Variants in RGS6 observed in about 807,000 individuals in gnomAD.
RGS6 encodes regulator of G-protein signaling 6.
In RGS6, 30 loss-of-function variants were observed where a neutral mutation model predicts 78.5. That is an observed-to-expected ratio of 0.38 (90% CI 0.29 to 0.52). The LOEUF (loss-of-function observed/expected upper bound fraction) is 0.52, where lower values mean the gene tolerates loss of function less well. Among genes scored for constraint, RGS6 ranks in the 20% least tolerant of loss-of-function variants. The pLI, the probability that RGS6 is intolerant of heterozygous loss-of-function variation, is 0.85. For missense variants in RGS6, 495 were observed against 609.7 expected, an observed-to-expected ratio of 0.81 and a Z score of 1.98; for synonymous variants, 206 against 206.0, an observed-to-expected ratio of 1.00 and a Z score of 0.00.
rs1488824538 is a variant in RGS6 at position 72,036,511 on chromosome 14, C to T, written c.84+71636C>T. On this transcript the variant is annotated intron_variant, in intron 2 of 17. Transcript: ENST00000553525. ...TTGCCAGAGTATTTTCAAATTTCAGCCATTCTAATATGTGTATAGGGTATT... is the reference window on the plus strand; with the variant it reads ...TTGCCAGAGTATTTTCAAATTTCAGTCATTCTAATATGTGTATAGGGTATT... 2.0e-5 allele frequency among the ~76,000 whole-genome samples: 3 copies of T among 152,112 alleles called. No individual in the cohort carries two copies. In the South Asian group the frequency reaches 6.2e-4, roughly 32 times the overall value.
chr14:71,893,243 T>A, the RGS6 span, among the ~76,000 whole-genome samples: 1 of 152,246 alleles, frequency 6.6e-6, no homozygotes. Flanking sequence ...ATTAGAGGGT[T>A]TGATCAAGAA....
intron 12 of RGS6, among the ~76,000 whole-genome samples, chr14:72,491,099 C>T (rs935582352): frequency 1.3e-5 from 2 of 152,140 alleles, no homozygotes; most frequent in East Asian, 1.9e-4. Flanking sequence ...CCATTATTGC[C>T]CTTTGCAATT....
chr14:71,900,016 G>A, the RGS6 span, among the ~76,000 whole-genome samples: 2 of 152,088 alleles, frequency 1.3e-5, no homozygotes, highest in African/African-American at 4.8e-5. Context: ...ATTTCTTCAG[G>A]CATATGACTC....
chr14:72,017,776 T>C lies in RGS6; in HGVS notation c.84+52901T>C, dbSNP rs1392974186. On this transcript the variant is annotated intron_variant, in intron 2 of 17. Coordinates refer to ENST00000553525, the MANE Select transcript of RGS6 (RefSeq NM_001204424.2). ...TTGGGTTAAGAAAATGTCTTTTTTT[T>C]TTCTTCAACTTTTATTTTAAGTTCC... Among the ~76,000 whole-genome samples the C allele has an allele frequency of 2.6e-5, 4 of 152,140 alleles. No homozygotes were observed. In the South Asian group the frequency reaches 6.2e-4, roughly 24 times the overall value.
At chr14:72,194,383 T>G (rs1410285065) in intron 2 of RGS6, among the ~76,000 whole-genome samples, 5 of 152,224 alleles carry the variant, frequency 3.3e-5, no homozygotes, top group African/African-American at 1.2e-4. Context: ...TTTTATTTAT[T>G]TTGTTGAAAC....
intron 2 of RGS6, among the ~76,000 whole-genome samples, chr14:71,990,225 C>T (rs1038875971): frequency 6.6e-6 from 1 of 152,146 alleles, no homozygotes; most frequent in African/African-American, 2.4e-5. Flanking sequence ...TCCCCTAGGC[C>T]CCACCTTCTG....
chr14:72,623,391 A>T, the RGS6 span, among the ~76,000 whole-genome samples: 1 of 152,250 alleles, frequency 6.6e-6, no homozygotes, highest in East Asian at 1.9e-4. Context: ...ACACAGAGAG[A>T]AACTATTCCA....
chr14:72,253,503 CA>C (rs1567586580), intron 2 of RGS6, among the ~76,000 whole-genome samples: 1 of 152,186 alleles, frequency 6.6e-6, no homozygotes, highest in African/African-American at 2.4e-5. Context: ...AATTCTATGG[CA>C]AAAGCAGCTA....
At chr14:72,428,238 C>T (rs1334641588) in intron 3 of RGS6, among the ~76,000 whole-genome samples, 1 of 152,172 alleles carries the variant, frequency 6.6e-6, no homozygotes, top group Non-Finnish European at 1.5e-5. Context: ...GGATTTTACT[C>T]ACCAAGGATG....
At chr14:72,573,700 G>C in the RGS6 span, among the ~76,000 whole-genome samples, 2 of 152,180 alleles carry the variant, frequency 1.3e-5, no homozygotes, top group Non-Finnish European at 2.9e-5. Flanking sequence ...ACTGCGGCCA[G>C]AATTTCTCTA....
chr14:72,210,389 G>A (rs151285784), intron 2 of RGS6, among the ~76,000 whole-genome samples: 149 of 152,196 alleles, frequency 9.8e-4, no homozygotes, highest in Middle Eastern at 3.4e-3. Context: ...TCCTTTCATC[G>A]TCAGATTTGT....
chr14:72,212,464 T>C (rs527998745), intron 2 of RGS6, among the ~76,000 whole-genome samples: 76 of 152,292 alleles, frequency 5.0e-4, no homozygotes, highest in African/African-American at 1.8e-3. Flanking sequence ...GGCAGTGTTT[T>C]TGTCCATGGG....
the RGS6 span, among the ~76,000 whole-genome samples, chr14:71,877,742 T>C: frequency 6.6e-6 from 1 of 152,248 alleles, no homozygotes; most frequent in Non-Finnish European, 1.5e-5. Flanking sequence ...CTGCATTCCT[T>C]TGGAGGAGAA....
chr14:72,197,466 A>G (rs1026783229), intron 2 of RGS6, among the ~76,000 whole-genome samples: 1 of 152,134 alleles, frequency 6.6e-6, no homozygotes, highest in Non-Finnish European at 1.5e-5. Flanking sequence ...CCATGTTTCC[A>G]CTGTCCTGCG....
chr14:72,259,910 CAAAAA>C (rs11287556), intron 2 of RGS6, among the ~76,000 whole-genome samples: 1 of 68,398 alleles, frequency 1.5e-5, no homozygotes, highest in Admixed American at 1.8e-4. Flanking sequence ...GACTCCGTCT[CAAAAA>C]AAAAAAAAAA....
intron 2 of RGS6, among the ~76,000 whole-genome samples, chr14:72,131,071 T>C (rs2096304280): frequency 6.6e-6 from 1 of 152,250 alleles, no homozygotes; most frequent in South Asian, 2.1e-4. Context: ...CTTGCCCATC[T>C]TGTGTTGTGT....
the RGS6 span, among the ~76,000 whole-genome samples, chr14:71,927,098 G>C: frequency 5.9e-5 from 9 of 152,210 alleles, no homozygotes; most frequent in African/African-American, 1.9e-4. Context: ...AGAGTGTCTA[G>C]GAGATGCCTA....
At chr14:71,896,675 G>C in the RGS6 span, among the ~76,000 whole-genome samples, 1 of 152,130 alleles carries the variant, frequency 6.6e-6, no homozygotes, top group African/African-American at 2.4e-5. Flanking sequence ...TCTGACAAAA[G>C]GACTCTTGAA....
At chr14:72,151,206 C>A (rs1386600622) in intron 2 of RGS6, among the ~76,000 whole-genome samples, 1 of 152,094 alleles carries the variant, frequency 6.6e-6, no homozygotes, top group Non-Finnish European at 1.5e-5. Context: ...AAGGAGGAAA[C>A]CTGGGTCTTA....
Sources: gnomAD v4.1 joint callset for allele counts (sites outside exome capture counted in the v4.1 genomes callset) on GRCh38, gnomAD v4.1.1 for gene constraint, MANE v1.5 for transcripts, NCBI Gene and HGNC (gene_info 2026-07-23, HGNC 2026-07-21) for gene names.